CCZ1: variants seen among roughly 807,000 people sequenced by gnomAD.
The protein encoded by CCZ1 is vacuolar fusion protein CCZ1 homolog.
Under a neutral mutation model 57.8 loss-of-function variants are expected in CCZ1, and 19 were observed. The observed-to-expected ratio is 0.33, with a 90% CI of 0.23 to 0.48. The LOEUF is 0.48. CCZ1 is among the 20% of genes least tolerant of loss of function. The probability of loss-of-function intolerance (pLI) is 0.99; values close to 1 mark genes in which losing one functional copy is unlikely to be tolerated. For synonymous variants in CCZ1, 81 were observed against 167.0 expected, an observed-to-expected ratio of 0.49 and a Z score of 3.97; for missense variants, 200 against 492.0, an observed-to-expected ratio of 0.41 and a Z score of 5.61.
chr7:5,902,696 C>T lies in CCZ1; in HGVS notation c.474C>T (p.Asp158=), dbSNP rs770860377. 92 of 1,590,684 alleles carry T rather than the reference C, an allele frequency of 5.8e-5. 2 individuals carry two copies. The highest frequency in any genetic ancestry group is 2.0e-4 in the East Asian group (8 of 39,874). The change falls in exon 6 of 15, where the codon GAC becomes GAT. Residue 158 remains aspartate (D), a synonymous_variant. Transcript: ENST00000325974. The part of the protein sequence containing the change: ...FNGTFLKAME[D]GGVKLLKERL... ...GTACATTTCTGAAAGCCATGGAAGACGGAGGCGTCAAGCTTCTGAAAGAAA... is the reference window on the plus strand; with the variant it reads ...GTACATTTCTGAAAGCCATGGAAGATGGAGGCGTCAAGCTTCTGAAAGAAA...
intron 4 of CCZ1, 136 bp downstream of exon 4, chr7:5,901,068 T>C (rs1044200500): frequency 6.6e-6 from 3 of 451,974 alleles, no homozygotes; most frequent in Non-Finnish European, 1.1e-5. Context: ...GGTTTATGTT[T>C]ATCATTTACA....
At chr7:5,922,831 AACGAGGTGTT>A (rs1457350369) in intron 12 of CCZ1, among the ~76,000 whole-genome samples, 2 of 148,290 alleles carry the variant, frequency 1.3e-5, no homozygotes, top group East Asian at 4.0e-4. Flanking sequence ...CTGTGGGAGG[AACGAGGTGTT>A]ACTCTCCTCA....
chr7:5,912,638 G>A (rs1384687866), intron 9 of CCZ1, among the ~76,000 whole-genome samples: 1 of 150,540 alleles, frequency 6.6e-6, no homozygotes, highest in African/African-American at 2.5e-5. Flanking sequence ...GACTTCAGGT[G>A]ATCCACCCAG....
intron 4 of CCZ1, 72 bp from the exon 5 acceptor site, chr7:5,901,585 C>T (rs1170047514): frequency 3.3e-6 from 5 of 1,518,530 alleles, no homozygotes; most frequent in Non-Finnish European, 4.4e-6. Flanking sequence ...AGTTAGTGTA[C>T]CTTTGCCATC....
In CCZ1 at chr7:5,904,976, T is replaced by A. The variant is rs544226283; in HGVS notation, c.523-118T>A. 4.1e-5 allele frequency: 52 copies of A among 1,264,120 alleles called. 3 individuals are homozygous for A. The South Asian group carries it at 7.8e-4, about 19-fold the overall frequency. The allele number at this position is 1,264,120 out of a possible 1,614,324, so 78.3% of individuals were successfully genotyped here. A position where few individuals can be genotyped will look rare whatever the true frequency, so the allele number is the denominator to read the frequency against. On this transcript the variant is annotated intron_variant, in intron 6 of 14. Transcript: ENST00000325974. ...ACCACGGCCTCATTGTTGCGCTGTT[T>A]GCTAGTATGTAATTGTACCATAAAT...
rs1197071402 is a variant in CCZ1, at chr7:5,912,585, AG to A, written c.843-257del. On this transcript the variant is annotated intron_variant, in intron 9 of 14. Transcript: ENST00000325974. Reference sequence around the variant, plus strand: ...CAGCTAATTTTTGTAGTTTTAGTAGAGACGAGGTTTTGCCATGTTGGCCAGG... The same window carrying A: ...CAGCTAATTTTTGTAGTTTTAGTAGAACGAGGTTTTGCCATGTTGGCCAGG... Among the ~76,000 whole-genome samples, 13 of 147,716 alleles carry A rather than the reference AG, an allele frequency of 8.8e-5. 1 individual carries two copies. Among genetic ancestry groups the A allele is most frequent in the African/African-American group, 3.3e-4 (13 of 39,740 alleles).
At chr7:5,901,480 A>G (rs1781682717) in intron 4 of CCZ1, 177 bp from the exon 5 acceptor site, 2 of 1,013,064 alleles carry the variant, frequency 2.0e-6, no homozygotes, top group African/African-American at 2.0e-5. Context: ...GCGAGACTCC[A>G]TCTCAAAAAA....
chr7:5,910,496 T>A (rs1360358632), intron 8 of CCZ1, among the ~76,000 whole-genome samples: 3 of 146,938 alleles, frequency 2.0e-5, no homozygotes, highest in Admixed American at 1.3e-4. Context: ...CCAGCTAATT[T>A]TTTTGTATTT....
chr7:5,909,746 C>T (rs1178487942), intron 7 of CCZ1, among the ~76,000 whole-genome samples: 2 of 145,462 alleles, frequency 1.4e-5, no homozygotes, highest in Non-Finnish European at 3.0e-5. Flanking sequence ...TGAGTTTTAT[C>T]CAGGGCTTCA....
Position 5,926,374 on chromosome 7 carries a change from TTTC to T in CCZ1, c.*696_*698del, listed in dbSNP as rs573685130. The T allele has an allele frequency of 5.9e-4, 863 of 1,450,766 alleles. 3 individuals are homozygous for T. The highest frequency in any genetic ancestry group is 3.5e-3 in the African/African-American group (227 of 64,364). The allele number at this position is 1,450,766 out of a possible 1,614,324, so 89.9% of individuals were successfully genotyped here. A position where few individuals can be genotyped will look rare whatever the true frequency, so the allele number is the denominator to read the frequency against. ...TGTGTGTCCTCGTGTCTCTCTACTT[TTTC>T]TTCTTCTTGCTGGTGATGGTCTTGC... On this transcript the variant is annotated 3_prime_UTR_variant, in exon 15 of 15. Coordinates refer to ENST00000325974, the MANE Select transcript of CCZ1 (RefSeq NM_015622.6).
At chr7:5,902,022 A>G (rs1781696057) in intron 5 of CCZ1, 2 of 298,438 alleles carry the variant, frequency 6.7e-6, no homozygotes, top group Non-Finnish European at 6.1e-6. Context: ...GGCAGGGCAC[A>G]GTGGATCACA....
chr7:5,904,091 T>TTTA (rs1364951222), intron 6 of CCZ1, among the ~76,000 whole-genome samples: 1 of 121,908 alleles, frequency 8.2e-6, no homozygotes, highest in Non-Finnish European at 1.7e-5. Context: ...GGAGTTAATT[T>TTTA]TTTTTTTTTT....
intron 4 of CCZ1, chr7:5,901,298 A>T (rs1338330074): frequency 1.3e-4 from 20 of 152,464 alleles, no homozygotes; most frequent in African/African-American, 5.8e-4. Context: ...CAGCCTGGCC[A>T]ATATGGCGGA....
chr7:5,912,017 G>C, intron 9 of CCZ1, 95 bp downstream of exon 9: 1 of 1,577,012 alleles, frequency 6.3e-7, no homozygotes, highest in Non-Finnish European at 8.6e-7. Flanking sequence ...GCAGTGGCAA[G>C]ATCTCCGCTC....
At chr7:5,900,981 T>C in intron 4 of CCZ1, 49 bp downstream of exon 4, 1 of 1,112,512 alleles carries the variant, frequency 9.0e-7, no homozygotes, top group Non-Finnish European at 1.2e-6. Context: ...AATGTATTGC[T>C]GAGTATGTTG....
At chr7:5,901,617 C>T (rs1318340095) in intron 4 of CCZ1, 40 bp from the exon 5 acceptor site, 10 of 1,573,846 alleles carry the variant, frequency 6.4e-6, no homozygotes, top group Non-Finnish European at 8.6e-6. Context: ...CATTGTTTTT[C>T]CCTTGAACTG....
Position 5,901,707 on chromosome 7 carries a change from A to G in CCZ1, c.438+3A>G. ...GGCAGTGCTACAGCATGTACAAGGTAAGCGTGGCGTTCTTTCTCAACTCAG... is the reference window on the plus strand; with the variant it reads ...GGCAGTGCTACAGCATGTACAAGGTGAGCGTGGCGTTCTTTCTCAACTCAG... On this transcript the variant is annotated splice_donor_region_variant and intron_variant, in intron 5 of 14. Coordinates refer to ENST00000325974, the MANE Select transcript of CCZ1 (RefSeq NM_015622.6). 1.9e-6 allele frequency: 3 copies of G among 1,598,466 alleles called. No homozygotes were observed. Among genetic ancestry groups the G allele is most frequent in the Non-Finnish European group, 2.5e-6 (3 of 1,176,616 alleles).
At chr7:5,923,575 T>TC in intron 13 of CCZ1, 30 bp downstream of exon 13, 1 of 359,596 alleles carries the variant, frequency 2.8e-6, no homozygotes. Flanking sequence ...CAATCAGGCG[T>TC]CCCCTTTCTA....
At chr7:5,906,565 C>T (rs1368360481) in intron 7 of CCZ1, among the ~76,000 whole-genome samples, 1 of 148,472 alleles carries the variant, frequency 6.7e-6, no homozygotes, top group Admixed American at 6.7e-5. Flanking sequence ...TCAGGTGATT[C>T]CCCTGCATAG....
Sources: allele counts gnomAD v4.1 joint callset (sites outside exome capture counted in the v4.1 genomes callset), GRCh38; gene constraint gnomAD v4.1.1; transcripts MANE v1.5; gene names NCBI Gene and HGNC (gene_info 2026-07-23, HGNC 2026-07-21).